The following MTIF2 variants were observed in gnomAD, a reference collection of about 807,000 sequenced individuals.
The protein encoded by MTIF2 is translation initiation factor IF-2, mitochondrial.
MTIF2 carries 71 observed loss-of-function variants against 83.5 expected under a neutral mutation model. That is an observed-to-expected ratio of 0.85 (90% CI 0.70 to 1.04). The LOEUF (loss-of-function observed/expected upper bound fraction) is 1.04. Among genes scored for constraint, MTIF2 ranks in the 50% least tolerant of loss-of-function variants. The probability of loss-of-function intolerance (pLI) is 0.00; values close to 1 mark genes in which losing one functional copy is unlikely to be tolerated. For synonymous variants in MTIF2, 319 were observed against 287.1 expected (o/e 1.11, Z -1.12); for missense variants, 957 against 846.5 (o/e 1.13, Z -1.62).
chr2:55,264,557 A>C (rs1042832222), intron 3 of MTIF2, among the ~76,000 whole-genome samples: 3 of 151,914 alleles, frequency 2.0e-5, no homozygotes, highest in Non-Finnish European at 4.4e-5. Context: ...ACACTCTTAG[A>C]GTCTCTACAC....
intron 14 of MTIF2, among the ~76,000 whole-genome samples, chr2:55,239,118 TATA>T (rs1676109954): frequency 6.6e-6 from 1 of 152,186 alleles, no homozygotes; most frequent in African/African-American, 2.4e-5. Flanking sequence ...ATGGATATAT[TATA>T]ATCCATGATC....
chr2:55,236,664 C>G lies in MTIF2; in HGVS notation c.2168G>C (p.Trp723Ser), dbSNP rs766332659. 6.3e-6 allele frequency: 10 copies of G among 1,588,706 alleles called. No individual in the cohort carries two copies. Among genetic ancestry groups the G allele is most frequent in the South Asian group, 1.2e-5 (1 of 85,670 alleles). Residue 723 changes from tryptophan (W) to serine (S), a missense_variant, in exon 16 of 16, where the codon TGG (tryptophan) becomes TCG (serine). Around this residue, in one of 3 missense-constraint regions of MTIF2, gnomAD observed 221 missense variants for 180.6 expected, o/e 1.22. Transcript: ENST00000263629. ...EEKQIQAKTS[W>S]DPGF Reference sequence around the variant, plus strand: ...AATGTAATTTTAAAATCCTGGATCCCAAGAAGTCTTGGCTTGAATTTGCTT... The same window carrying G: ...AATGTAATTTTAAAATCCTGGATCCGAAGAAGTCTTGGCTTGAATTTGCTT...
chr2:55,250,436 A>T (rs1677017608), intron 8 of MTIF2, among the ~76,000 whole-genome samples: 1 of 151,812 alleles, frequency 6.6e-6, no homozygotes, highest in Non-Finnish European at 1.5e-5. Context: ...AAAAAAAATC[A>T]TGGGAAGATT....
Position 55,254,212 on chromosome 2 carries a change from C to T in MTIF2, c.504-11G>A, listed in dbSNP as rs761108105. 4 of 1,605,798 alleles carry T rather than the reference C, an allele frequency of 2.5e-6. No individual in the cohort carries two copies. The highest frequency in any genetic ancestry group is 3.4e-6 in the Non-Finnish European group (4 of 1,177,160). ...GGATCTGCCTGGGGCCTACAATTAACAGCAAAAGAGTTTCATTTCTTAAAT... is the reference window on the plus strand; with the variant it reads ...GGATCTGCCTGGGGCCTACAATTAATAGCAAAAGAGTTTCATTTCTTAAAT... On this transcript the variant is annotated splice_polypyrimidine_tract_variant and intron_variant, in intron 6 of 15. Transcript: ENST00000263629.
intron 10 of MTIF2, 107 bp downstream of exon 10, chr2:55,246,230 T>A: frequency 1.6e-6 from 2 of 1,231,850 alleles, no homozygotes; most frequent in Non-Finnish European, 2.2e-6. Flanking sequence ...TTGAAAATAT[T>A]GTTCATGAAC....
intron 13 of MTIF2, among the ~76,000 whole-genome samples, chr2:55,242,488 C>T (rs913496386): frequency 2.0e-5 from 3 of 152,150 alleles, no homozygotes; most frequent in Non-Finnish European, 2.9e-5. Context: ...AGAACTTTTG[C>T]TGTAAAAAGA....
At chr2:55,259,852 A>G (rs1040071145) in intron 5 of MTIF2, among the ~76,000 whole-genome samples, 4 of 151,924 alleles carry the variant, frequency 2.6e-5, no homozygotes, top group African/African-American at 9.7e-5. Flanking sequence ...GCTGAGGCAC[A>G]AGAATTGCTT....
At chr2:55,250,768 A>G (rs963813904) in intron 8 of MTIF2, among the ~76,000 whole-genome samples, 2 of 152,214 alleles carry the variant, frequency 1.3e-5, no homozygotes, top group Non-Finnish European at 2.9e-5. Flanking sequence ...GGTATCAAAC[A>G]GAAATTTTAA....
intron 13 of MTIF2, among the ~76,000 whole-genome samples, chr2:55,241,411 C>G (rs558655883): frequency 7.1e-6 from 1 of 140,418 alleles, no homozygotes; most frequent in East Asian, 2.2e-4. Context: ...GAGCAAGACT[C>G]TGTCTCAAAA....
At chr2:55,267,153 G>C (rs543501167) in intron 3 of MTIF2, among the ~76,000 whole-genome samples, 21 of 151,972 alleles carry the variant, frequency 1.4e-4, no homozygotes, top group African/African-American at 4.8e-4. Flanking sequence ...ATGGTAAATA[G>C]AATATACTGA....
chr2:55,256,731 G>A (rs1161534379), intron 5 of MTIF2, among the ~76,000 whole-genome samples: 3 of 151,920 alleles, frequency 2.0e-5, no homozygotes, highest in South Asian at 2.1e-4. Flanking sequence ...TTGAGACAGG[G>A]TCTTACACTG....
At chr2:55,239,014 A>G (rs564807852) in intron 14 of MTIF2, among the ~76,000 whole-genome samples, 22 of 152,372 alleles carry the variant, frequency 1.4e-4, no homozygotes, top group African/African-American at 5.3e-4. Flanking sequence ...ACATTCTACA[A>G]AATAGCTGTC....
At chr2:55,238,672 T>G (rs1232233460) in intron 14 of MTIF2, among the ~76,000 whole-genome samples, 2 of 152,146 alleles carry the variant, frequency 1.3e-5, no homozygotes, top group Admixed American at 6.5e-5. Context: ...ATTACAGGCA[T>G]GAGCCACCAT....
chr2:55,250,080 G>A (rs765187854), intron 8 of MTIF2, among the ~76,000 whole-genome samples: 6 of 152,042 alleles, frequency 3.9e-5, no homozygotes, highest in Non-Finnish European at 5.9e-5. Context: ...GCAACAGAGC[G>A]AGACTCCATC....
At chr2:55,255,531 C>T (rs1027983428) in intron 5 of MTIF2, among the ~76,000 whole-genome samples, 1 of 145,100 alleles carries the variant, frequency 6.9e-6, no homozygotes, top group African/African-American at 2.7e-5. Context: ...TAACATTGAA[C>T]TCATGGCCAA....
chr2:55,255,139 C>T (rs538756349), intron 5 of MTIF2, among the ~76,000 whole-genome samples: 3 of 151,456 alleles, frequency 2.0e-5, no homozygotes, highest in African/African-American at 7.2e-5. Context: ...GTCTATTTCT[C>T]TAAAAATTTA....
intron 7 of MTIF2, among the ~76,000 whole-genome samples, chr2:55,253,155 T>C (rs750822734): frequency 5.3e-5 from 8 of 152,152 alleles, no homozygotes; most frequent in Non-Finnish European, 8.8e-5. Flanking sequence ...TATTTGTAAG[T>C]GCAACTATTA....
At chr2:55,242,914 T>TC in intron 13 of MTIF2, 26 bp downstream of exon 13, 1 of 1,594,964 alleles carries the variant, frequency 6.3e-7, no homozygotes, top group East Asian at 2.3e-5. Context: ...GGAACACAGA[T>TC]TAACAAGAAG....
At chr2:55,236,948 A>AATG in intron 15 of MTIF2, 128 bp from the exon 16 acceptor site, 1 of 790,638 alleles carries the variant, frequency 1.3e-6, no homozygotes, top group Non-Finnish European at 1.8e-6. Flanking sequence ...TGTCAAGTTA[A>AATG]ATGATGGGAC....
Sources: gnomAD v4.1 joint callset for allele counts (sites outside exome capture counted in the v4.1 genomes callset) on GRCh38, gnomAD v4.1.1 for gene constraint, gnomAD v4.1.1 regional missense constraint, MANE v1.5 for transcripts, NCBI Gene and HGNC (gene_info 2026-07-23, HGNC 2026-07-21) for gene names.